Variants in LRP1B observed in about 807,000 individuals in gnomAD.
LRP1B encodes the protein LDL receptor related protein 1B.
In LRP1B, 217 loss-of-function variants were observed where a neutral mutation model predicts 556.6. That is an observed-to-expected ratio of 0.39 (90% CI 0.35 to 0.44). The LOEUF is 0.44. Among genes scored for constraint, LRP1B ranks in the 20% least tolerant of loss-of-function variants. LRP1B has a pLI of 1.00. For missense variants in LRP1B, 5,053 were observed against 5,620.8 expected, an observed-to-expected ratio of 0.90 and a Z score of 3.23; for synonymous variants, 2,047 against 1,865.8, an observed-to-expected ratio of 1.10 and a Z score of -2.50.
chr2:140,835,563 G>A (rs1260892875), intron 31 of LRP1B, among the ~76,000 whole-genome samples: 7 of 151,958 alleles, frequency 4.6e-5, no homozygotes, highest in South Asian at 2.1e-4. Context: ...TTGAGATGAA[G>A]TTTCGCTCTT....
At chr2:140,391,069 G>C (rs1286480342) in intron 66 of LRP1B, among the ~76,000 whole-genome samples, 1 of 151,998 alleles carries the variant, frequency 6.6e-6, no homozygotes, top group African/African-American at 2.4e-5. Context: ...AAACTAATTT[G>C]TATGAGACAT....
chr2:141,250,175 T>A (rs1241237618), intron 4 of LRP1B, among the ~76,000 whole-genome samples: 1 of 152,188 alleles, frequency 6.6e-6, no homozygotes, highest in Admixed American at 6.5e-5. Context: ...TACTTGGAAT[T>A]TTTTGAGTAA....
intron 7 of LRP1B, among the ~76,000 whole-genome samples, chr2:141,114,241 C>A (rs1316115917): frequency 6.6e-6 from 1 of 152,224 alleles, no homozygotes; most frequent in East Asian, 1.9e-4. Context: ...ACAATTAATG[C>A]TCTTTTAACA....
chr2:141,387,228 G>C (rs942912131), intron 3 of LRP1B, among the ~76,000 whole-genome samples: 4 of 151,766 alleles, frequency 2.6e-5, no homozygotes, highest in African/African-American at 9.7e-5. Flanking sequence ...TAAAAATAGA[G>C]AAGAAACTCA....
intron 1 of LRP1B, among the ~76,000 whole-genome samples, chr2:141,868,658 T>C (rs1176712397): frequency 2.0e-5 from 3 of 152,196 alleles, no homozygotes; most frequent in Admixed American, 2.0e-4. Flanking sequence ...CTTGGAAATA[T>C]GTTTTTGCTA....
In LRP1B at chr2:140,858,305, A is replaced by G. The variant is rs138017035; in HGVS notation, c.4580-6522T>C. 6.6e-5 allele frequency among the ~76,000 whole-genome samples: 10 copies of G among 152,098 alleles called. No individual in the cohort carries two copies. In the East Asian group the frequency reaches 1.9e-3, roughly 29 times the overall value. On this transcript the variant is annotated intron_variant, in intron 27 of 90. Coordinates refer to ENST00000389484, the MANE Select transcript of LRP1B (RefSeq NM_018557.3). ...GATTCTGCATTTTAAAATAGGATAC[A>G]TGTTAGATCACATAAATCTCATACC...
intron 35 of LRP1B, among the ~76,000 whole-genome samples, chr2:140,724,546 T>A (rs1387786173): frequency 2.0e-5 from 3 of 152,146 alleles, no homozygotes; most frequent in Non-Finnish European, 4.4e-5. Flanking sequence ...TTGCAAAAAA[T>A]TCTATATAAA....
At chr2:141,566,792 G>A (rs1227905602) in intron 2 of LRP1B, among the ~76,000 whole-genome samples, 3 of 152,020 alleles carry the variant, frequency 2.0e-5, no homozygotes, top group Non-Finnish European at 2.9e-5. Context: ...CCAGGTGTTT[G>A]AGGCTGCAGT....
At chr2:141,988,147 G>A (rs1056973313) in intron 1 of LRP1B, among the ~76,000 whole-genome samples, 9 of 151,638 alleles carry the variant, frequency 5.9e-5, no homozygotes, top group African/African-American at 7.3e-5. Context: ...CTTGGTATCA[G>A]GCATGATATA....
chr2:141,080,022 T>A (rs1258322015), intron 7 of LRP1B, among the ~76,000 whole-genome samples: 1 of 152,168 alleles, frequency 6.6e-6, no homozygotes, highest in Non-Finnish European at 1.5e-5. Flanking sequence ...CAAAAGGAAA[T>A]AGTTTGACAA....
At position 140,722,765 on chromosome 2, in the gene LRP1B, C is replaced by T. The variant is rs188553102; in HGVS notation, c.5759-5949G>A. ...ACTATTATTAAATAGTAAAGGGGAC[C>T]GGGCGCAGTGGCTCACGCCTGTAAT... On this transcript the variant is annotated intron_variant, in intron 35 of 90. Transcript: ENST00000389484. Among the ~76,000 whole-genome samples, 185 of 152,186 alleles carry T rather than the reference C, an allele frequency of 1.2e-3. 1 individual carries two copies. The highest frequency in any genetic ancestry group is 3.7e-3 in the Admixed American group (56 of 15,276).
chr2:140,842,130 C>G (rs1692128132), intron 29 of LRP1B, among the ~76,000 whole-genome samples: 1 of 152,206 alleles, frequency 6.6e-6, no homozygotes, highest in Non-Finnish European at 1.5e-5. Flanking sequence ...TTCTGAGCAG[C>G]TGCTACCTAC....
chr2:140,557,750 G>A (rs2105068212), intron 43 of LRP1B, among the ~76,000 whole-genome samples: 1 of 152,216 alleles, frequency 6.6e-6, no homozygotes, highest in East Asian at 1.9e-4. Context: ...CACCCCTTCA[G>A]GATTTTGCTC....
rs138199015 is a variant in LRP1B at position 140,731,045 on chromosome 2, C to T, written c.5759-14229G>A. Among the ~76,000 whole-genome samples the T allele has an allele frequency of 8.2e-4, 125 of 152,284 alleles. 1 individual carries two copies. In the East Asian group the frequency reaches 0.02, roughly 24 times the overall value. ...ACACGCAACATGTCATTTCTCATCT[C>T]TTTACCTTTTCTCCTGCCATTTCCT... On this transcript the variant is annotated intron_variant, in intron 35 of 90. Transcript: ENST00000389484.
chr2:141,193,628 CT>C (rs1352020221), intron 6 of LRP1B, among the ~76,000 whole-genome samples: 3 of 151,652 alleles, frequency 2.0e-5, no homozygotes, highest in Admixed American at 1.3e-4. Context: ...GAAAAGACAA[CT>C]TTTGGGGACT....
intron 41 of LRP1B, among the ~76,000 whole-genome samples, chr2:140,694,929 AT>A (rs1030042038): frequency 6.6e-6 from 1 of 151,314 alleles, no homozygotes; most frequent in African/African-American, 2.4e-5. Context: ...ATTTTAACAA[AT>A]TTTTTTCTTA....
Position 140,323,929 on chromosome 2 carries a change from CTTTTG to C in LRP1B, c.12473_12477del (p.Thr4158ArgfsTer9). On this transcript the variant is annotated frameshift_variant, in exon 81 of 91. Coordinates refer to ENST00000389484, the MANE Select transcript of LRP1B (RefSeq NM_018557.3). LOFTEE classifies it high-confidence loss of function. ...TTATAACGATGAGATATCAAAACAC[CTTTTG>C]TTTTATCAATATTTAAAGCTAAGTA... is the stretch of plus-strand genomic sequence containing the variant. The C allele has an allele frequency of 6.3e-7, 1 of 1,580,236 alleles. No homozygotes were observed. Among genetic ancestry groups the C allele is most frequent in the South Asian group, 1.1e-5 (1 of 89,772 alleles).
At chr2:141,501,546 A>C (rs1409852986) in intron 2 of LRP1B, among the ~76,000 whole-genome samples, 1 of 152,168 alleles carries the variant, frequency 6.6e-6, no homozygotes, top group Non-Finnish European at 1.5e-5. Context: ...TAATTACAAA[A>C]TAATTAGAGG....
intron 3 of LRP1B, among the ~76,000 whole-genome samples, chr2:141,275,399 A>T (rs780533561): frequency 6.6e-5 from 10 of 152,106 alleles, no homozygotes; most frequent in Non-Finnish European, 1.3e-4. Flanking sequence ...TGGTACCTAA[A>T]CTGGAAAAGT....
Sources: allele counts gnomAD v4.1 joint callset (sites outside exome capture counted in the v4.1 genomes callset), GRCh38; gene constraint gnomAD v4.1.1; transcripts MANE v1.5; gene names NCBI Gene and HGNC (gene_info 2026-07-23, HGNC 2026-07-21).